Variants in FRMD4A observed in about 807,000 individuals in gnomAD.
FRMD4A encodes FERM domain containing 4A.
Under a neutral mutation model 129.1 loss-of-function variants are expected in FRMD4A, and 29 were observed. That is an observed-to-expected ratio of 0.22 (90% CI 0.17 to 0.31). FRMD4A has a LOEUF of 0.31. Among genes scored for constraint, FRMD4A ranks in the 10% least tolerant of loss-of-function variants. The pLI is 1.00. For missense variants in FRMD4A, 1,272 were observed against 1,375.8 expected, an observed-to-expected ratio of 0.92 and a Z score of 1.19; for synonymous variants, 634 against 571.6, an observed-to-expected ratio of 1.11 and a Z score of -1.56.
At chr10:13,682,084 C>T (rs1161762911) in intron 15 of FRMD4A, among the ~76,000 whole-genome samples, 3 of 151,624 alleles carry the variant, frequency 2.0e-5, no homozygotes, top group African/African-American at 4.8e-5. Context: ...ATTAGTAAGG[C>T]GTGGTAGTGC....
intron 3 of FRMD4A, among the ~76,000 whole-genome samples, chr10:13,847,463 C>T (rs1216139135): frequency 6.6e-6 from 1 of 152,200 alleles, no homozygotes; most frequent in African/African-American, 2.4e-5. Flanking sequence ...GATACCTGGC[C>T]AGGCTGCACT....
chr10:13,764,945 C>G (rs2092226836), intron 6 of FRMD4A, among the ~76,000 whole-genome samples: 1 of 152,138 alleles, frequency 6.6e-6, no homozygotes, highest in Non-Finnish European at 1.5e-5. Context: ...TACTACTTGT[C>G]CAGTGTGTGA....
intron 2 of FRMD4A, chr10:14,007,951 C>A (rs2131631072): frequency 1.6e-6 from 2 of 1,230,110 alleles, no homozygotes; most frequent in Non-Finnish European, 2.1e-6. Flanking sequence ...CCAGGAACTC[C>A]AACTGTTCAG....
chr10:14,223,764 AG>A (rs1319840379), intron 2 of FRMD4A, among the ~76,000 whole-genome samples: 25,811 of 110,662 alleles, frequency 0.23, 3,292 homozygotes, highest in Non-Finnish European at 0.27. Flanking sequence ...AAAAAAAAAA[AG>A]AGAGAGAGAG....
At chr10:13,689,707 C>T (rs2085488396) in intron 15 of FRMD4A, among the ~76,000 whole-genome samples, 1 of 151,666 alleles carries the variant, frequency 6.6e-6, no homozygotes, top group Admixed American at 6.6e-5. Context: ...CATGCACCAC[C>T]ATGTCCAGCT....
At position 14,287,843 on chromosome 10, in the gene FRMD4A, A is replaced by G. The variant is rs75570156; in HGVS notation, c.45+42215T>C. Among the ~76,000 whole-genome samples the G allele has an allele frequency of 8.8e-3, 1,339 of 152,296 alleles. 21 individuals are homozygous for G. The highest frequency in any genetic ancestry group is 0.031 in the African/African-American group (1,283 of 41,558). On this transcript the variant is annotated intron_variant, in intron 2 of 24. Transcript: ENST00000357447. The stretch of plus-strand genomic sequence containing the variant: ...AAAGACCTGGCAGATAAAATGAATG[A>G]CAAGTGCCAGTTTTGAGATAAATAG...
At chr10:14,023,039 G>A (rs1054958329) in intron 2 of FRMD4A, among the ~76,000 whole-genome samples, 2 of 152,022 alleles carry the variant, frequency 1.3e-5, no homozygotes, top group Admixed American at 6.6e-5. Context: ...ACCATCCCAG[G>A]CAGTGGCAGC....
intron 2 of FRMD4A, among the ~76,000 whole-genome samples, chr10:13,916,020 C>CTGCTG (rs1407234816): frequency 6.6e-6 from 1 of 152,244 alleles, no homozygotes; most frequent in African/African-American, 2.4e-5. Context: ...GAATTCACCA[C>CTGCTG]TGCTGAAGGC....
chr10:13,651,885 A>G lies in FRMD4A; in HGVS notation c.*2+18T>C, dbSNP rs2081630646. ...CACAGACTCATGGGCAGTAGGAACA[A>G]AACTCCCCTTACGGTACCTCTATTC... On this transcript the variant is annotated intron_variant, in intron 24 of 24. Coordinates refer to ENST00000357447, the MANE Select transcript of FRMD4A (RefSeq NM_018027.5). 1.4e-6 allele frequency: 2 copies of G among 1,380,880 alleles called. No homozygotes were observed. Among genetic ancestry groups the G allele is most frequent in the Non-Finnish European group, 2.1e-6 (2 of 966,498 alleles). 85.5% of individuals were successfully genotyped at this position (1,380,880 alleles called of 1,614,324 possible).
At position 13,961,056 on chromosome 10, in the gene FRMD4A, C is replaced by T. The variant is rs2095443196; in HGVS notation, c.46-102144G>A. On this transcript the variant is annotated intron_variant, in intron 2 of 24. Transcript: ENST00000357447. ...GCTAAAGTTACCTTAATTGATGACC[C>T]CTATAATAAAAATGGATTGAGCACA... 2.6e-5 allele frequency among the ~76,000 whole-genome samples: 4 copies of T among 152,120 alleles called. No homozygotes were observed. In the South Asian group the frequency reaches 8.3e-4, roughly 32 times the overall value.
At chr10:14,053,151 A>T (rs887241124) in intron 2 of FRMD4A, among the ~76,000 whole-genome samples, 4 of 152,142 alleles carry the variant, frequency 2.6e-5, no homozygotes, top group African/African-American at 9.7e-5. Flanking sequence ...AGGACCACAA[A>T]AACACTGTGC....
rs142216369 is a variant in FRMD4A at position 14,186,735 on chromosome 10, C to T, written c.45+143323G>A. 3.5e-4 allele frequency among the ~76,000 whole-genome samples: 53 copies of T among 152,244 alleles called. No homozygotes were observed. The Middle Eastern group carries it at 0.014, about 39-fold the overall frequency. ...TCAGCCTCTGAGGATGCAGATGTTG[C>T]GCTCAGCCCCAGGATCCCCAGGAGA... On this transcript the variant is annotated intron_variant, in intron 2 of 24. Transcript: ENST00000357447.
intron 8 of FRMD4A, among the ~76,000 whole-genome samples, chr10:13,752,762 G>GTTA (rs2091687728): frequency 2.0e-5 from 3 of 152,180 alleles, no homozygotes; most frequent in Admixed American, 1.3e-4. Flanking sequence ...AGTGTTGCAG[G>GTTA]TCCTTCATCC....
intron 4 of FRMD4A, among the ~76,000 whole-genome samples, chr10:13,808,395 C>T (rs192788317): frequency 3.3e-5 from 5 of 152,250 alleles, no homozygotes; most frequent in East Asian, 1.9e-4. Flanking sequence ...TGTAGTGTCC[C>T]GTGATACAGA....
intron 2 of FRMD4A, among the ~76,000 whole-genome samples, chr10:13,882,307 T>C (rs1210176478): frequency 2.6e-5 from 4 of 151,934 alleles, no homozygotes; most frequent in Non-Finnish European, 4.4e-5. Context: ...GACCGAGGCA[T>C]TGGAGAAATT....
chr10:14,224,736 G>A (rs545400969), intron 2 of FRMD4A, among the ~76,000 whole-genome samples: 9 of 152,102 alleles, frequency 5.9e-5, no homozygotes, highest in East Asian at 3.9e-4. Context: ...TCCTTGGAGC[G>A]TATGAATTTT....
At chr10:13,741,093 C>T (rs1439654530) in intron 9 of FRMD4A, among the ~76,000 whole-genome samples, 1 of 152,154 alleles carries the variant, frequency 6.6e-6, no homozygotes, top group African/African-American at 2.4e-5. Flanking sequence ...TCCCAAAGTA[C>T]TGGGATTACA....
rs66980805 is a variant in FRMD4A, at chr10:13,925,566, C to CTTTTTTTTTTTTTTTTTTTTTTTTTT, written c.46-66680_46-66655dup. The stretch of plus-strand genomic sequence containing the variant: ...TGAAAGTTTCTATTGTAGTGAAACG[C>CTTTTTTTTTTTTTTTTTTTTTTTTTT]TTTTTTTTTTTTTTTTTTTTTTTTT... On this transcript the variant is annotated intron_variant, in intron 2 of 24. Coordinates refer to ENST00000357447, the MANE Select transcript of FRMD4A (RefSeq NM_018027.5). Among the ~76,000 whole-genome samples the CTTTTTTTTTTTTTTTTTTTTTTTTTT allele has an allele frequency of 1.3e-4, 8 of 61,948 alleles. 2 individuals carry two copies. Among genetic ancestry groups the CTTTTTTTTTTTTTTTTTTTTTTTTTT allele is most frequent in the East Asian group, 1.6e-3 (2 of 1,248 alleles). 40.6% of individuals were successfully genotyped at this position (61,948 alleles called of 152,430 possible). A position where few individuals can be genotyped will look rare whatever the true frequency, so the allele number is the denominator to read the frequency against.
chr10:13,690,920 C>A (rs1027882516), intron 15 of FRMD4A, among the ~76,000 whole-genome samples: 5 of 152,196 alleles, frequency 3.3e-5, no homozygotes, highest in Non-Finnish European at 7.3e-5. Context: ...GATTGATTAG[C>A]AAAGTCCAGC....
Sources: gnomAD v4.1 joint callset for allele counts (sites outside exome capture counted in the v4.1 genomes callset) on GRCh38, gnomAD v4.1.1 for gene constraint, MANE v1.5 for transcripts, NCBI Gene and HGNC (gene_info 2026-07-23, HGNC 2026-07-21) for gene names.